Variants in SPHKAP observed in about 807,000 individuals in gnomAD.
SPHKAP encodes the protein A-kinase anchor protein SPHKAP.
A neutral mutation model predicts 137.5 loss-of-function variants in SPHKAP; 67 were observed. The ratio of observed to expected loss-of-function variants is 0.49; its 90% CI spans 0.40 to 0.60. The LOEUF is 0.60. Ranked by LOEUF, SPHKAP falls within the 20% of genes least tolerant of loss-of-function variation. The pLI is 0.00. For missense variants in SPHKAP, 2,097 were observed against 2,069.3 expected (o/e 1.01, Z -0.26); for synonymous variants, 813 against 785.3 (o/e 1.04, Z -0.59).
chr2:228,014,188 T>A (rs1319940784), intron 7 of SPHKAP, among the ~76,000 whole-genome samples: 1 of 152,218 alleles, frequency 6.6e-6, no homozygotes. Context: ...TACTATTTCA[T>A]GAACATTCCC....
intron 2 of SPHKAP, among the ~76,000 whole-genome samples, chr2:228,119,428 T>C (rs536183143): frequency 1.6e-5 from 2 of 128,126 alleles, no homozygotes; most frequent in South Asian, 4.9e-4. Context: ...CTGACTTAAA[T>C]ATTTTATAAT....
intron 3 of SPHKAP, among the ~76,000 whole-genome samples, chr2:228,095,843 C>A (rs1021885017): frequency 6.6e-6 from 1 of 151,870 alleles, no homozygotes; most frequent in South Asian, 2.1e-4. Flanking sequence ...CAATGATGAC[C>A]ATTTGTTGTC....
intron 1 of SPHKAP, among the ~76,000 whole-genome samples, chr2:228,175,804 A>C (rs1377191050): frequency 3.3e-5 from 5 of 152,194 alleles, no homozygotes; most frequent in African/African-American, 1.2e-4. Flanking sequence ...GAAGAGATAG[A>C]TAGATTTTTT....
In SPHKAP at chr2:228,181,551, A is replaced by T. The variant is rs1210341732; in HGVS notation, c.32+16T>A. The T allele has an allele frequency of 6.2e-7, 1 of 1,614,164 alleles. No individual in the cohort carries two copies. Among genetic ancestry groups the T allele is most frequent in the Non-Finnish European group, 8.5e-7 (1 of 1,180,014 alleles). On this transcript the variant is annotated intron_variant, in intron 1 of 11. Transcript: ENST00000392056. The surrounding 1 kb of genome is among the most constrained non-coding windows in gnomAD (Gnocchi z 4.3). ...TGATCGACATGGTATTGGGCATAGA[A>T]AGAAGCGGGTCTTACCTTGGTACCG... is the stretch of plus-strand genomic sequence containing the variant.
At chr2:228,180,390 C>T (rs896306663) in intron 1 of SPHKAP, among the ~76,000 whole-genome samples, 1 of 152,190 alleles carries the variant, frequency 6.6e-6, no homozygotes, top group African/African-American at 2.4e-5. Context: ...CCCCCACCTC[C>T]CCTCCCACCG....
rs1456070036 is a variant in SPHKAP, at chr2:227,995,685, A to G, written c.4458T>C (p.Leu1486=). Residue 1486 remains leucine (L), a synonymous_variant, in exon 8 of 12, where the codon CTT becomes CTC. Coordinates refer to ENST00000392056, the MANE Select transcript of SPHKAP (RefSeq NM_001142644.2). ...VSACQIHSDS[L]DTRDVPEAEA... is the part of the protein sequence containing the mutation. Reference sequence around the variant, plus strand: ...CAGCCTCTGGTACATCTCTGGTATCAAGGCTGTCACTGTAGAGGGCAAGAT... The same window carrying G: ...CAGCCTCTGGTACATCTCTGGTATCGAGGCTGTCACTGTAGAGGGCAAGAT... 4 of 1,599,944 alleles carry G rather than the reference A, an allele frequency of 2.5e-6. No individual in the cohort carries two copies. The highest frequency in any genetic ancestry group is 3.4e-6 in the Non-Finnish European group (4 of 1,175,608).
rs1460736536 is a variant in SPHKAP, at chr2:228,017,508, CAG to C, written c.3344_3345del (p.Ser1115CysfsTer8). 1 of 1,613,260 alleles carries C rather than the reference CAG, an allele frequency of 6.2e-7. No individual in the cohort carries two copies. The highest frequency in any genetic ancestry group is 1.3e-5 in the African/African-American group (1 of 75,034). ...TLSQPVSRASSVSKQSSCESI... is the reference protein window; with the variant it reads ...TLSQPVSRASXVSKQSSCESI... ...CTCTCACAGCTCGACTGCTTGGAGA[CAG>C]AGCTGGCCCTGCTGACCGGCTGGCT... On this transcript the variant is annotated frameshift_variant, in exon 7 of 12. Transcript: ENST00000392056. LOFTEE classifies it high-confidence loss of function.
At chr2:228,007,059 T>G (rs1426608027) in intron 7 of SPHKAP, among the ~76,000 whole-genome samples, 1 of 152,222 alleles carries the variant, frequency 6.6e-6, no homozygotes, top group Non-Finnish European at 1.5e-5. Flanking sequence ...ACTACTCTCT[T>G]CAAAGCTCAG....
chr2:228,078,958 A>G (rs1697271830), intron 3 of SPHKAP, among the ~76,000 whole-genome samples: 1 of 152,174 alleles, frequency 6.6e-6, no homozygotes, highest in Non-Finnish European at 1.5e-5. Flanking sequence ...CCCCAGCCCC[A>G]GGCTTTAGGC....
chr2:228,120,305 A>G (rs1185774076), intron 2 of SPHKAP, among the ~76,000 whole-genome samples: 2 of 152,178 alleles, frequency 1.3e-5, no homozygotes, highest in Non-Finnish European at 2.9e-5. Context: ...TATCTATGAA[A>G]TGCTTTTTGC....
At chr2:227,981,950 C>A in intron 11 of SPHKAP, 90 bp from the exon 12 acceptor site, 1 of 1,468,278 alleles carries the variant, frequency 6.8e-7, no homozygotes, top group Non-Finnish European at 9.0e-7. Context: ...CAATGGCTCT[C>A]CAGTCTCTGT....
intron 11 of SPHKAP, among the ~76,000 whole-genome samples, chr2:227,987,166 G>C (rs576157513): frequency 4.6e-5 from 7 of 152,218 alleles, no homozygotes; most frequent in African/African-American, 1.4e-4. Context: ...ATATTTCTAG[G>C]CTCCACTACC....
At chr2:228,000,772 A>C (rs923623501) in intron 7 of SPHKAP, among the ~76,000 whole-genome samples, 4 of 152,118 alleles carry the variant, frequency 2.6e-5, no homozygotes, top group Non-Finnish European at 5.9e-5. Flanking sequence ...ATGTACCACA[A>C]TTTATCCATT....
chr2:228,000,607 C>T (rs984223639), intron 7 of SPHKAP, among the ~76,000 whole-genome samples: 10 of 120,218 alleles, frequency 8.3e-5, no homozygotes, highest in African/African-American at 3.3e-4. Context: ...GACAGTAAGA[C>T]TCCATCTAAA....
At chr2:228,106,800 G>A (rs1359051729) in intron 3 of SPHKAP, among the ~76,000 whole-genome samples, 1 of 152,108 alleles carries the variant, frequency 6.6e-6, no homozygotes, top group African/African-American at 2.4e-5. Flanking sequence ...CTAGAAATAT[G>A]TGCCAAGCCA....
At chr2:228,116,065 C>T (rs1431586186) in intron 2 of SPHKAP, among the ~76,000 whole-genome samples, 1 of 152,182 alleles carries the variant, frequency 6.6e-6, no homozygotes, top group Non-Finnish European at 1.5e-5. Flanking sequence ...TGATCTTGAA[C>T]TTTCCAGCCT....
intron 3 of SPHKAP, among the ~76,000 whole-genome samples, chr2:228,056,005 C>T (rs1696427408): frequency 6.6e-6 from 1 of 152,172 alleles, no homozygotes; most frequent in South Asian, 2.1e-4. Context: ...GATCCTTGCT[C>T]CATCTTCAAT....
At chr2:228,170,538 T>G (rs1157783975) in intron 1 of SPHKAP, among the ~76,000 whole-genome samples, 10 of 152,082 alleles carry the variant, frequency 6.6e-5, no homozygotes, top group Non-Finnish European at 1.5e-5. Flanking sequence ...TCACCCTGAT[T>G]AGTTGGCAGC....
chr2:228,020,562 CTGT>C (rs947913166), intron 6 of SPHKAP, among the ~76,000 whole-genome samples: 5 of 151,966 alleles, frequency 3.3e-5, no homozygotes, highest in Admixed American at 2.0e-4. Context: ...ACACTAGGGC[CTGT>C]TGTTGGCGGG....
Sources: gnomAD v4.1 joint callset for allele counts (sites outside exome capture counted in the v4.1 genomes callset) on GRCh38, gnomAD v4.1.1 for gene constraint, Gnocchi (gnomAD v3.1) non-coding constraint, MANE v1.5 for transcripts, NCBI Gene and HGNC (gene_info 2026-07-23, HGNC 2026-07-21) for gene names.